The following SORCS2 variants were observed in gnomAD, a reference collection of about 807,000 sequenced individuals.
SORCS2 encodes sortilin related VPS10 domain containing receptor 2.
In SORCS2, 100 loss-of-function variants were observed where a neutral mutation model predicts 141.6. The ratio of observed to expected loss-of-function variants is 0.71; its 90% confidence interval spans 0.60 to 0.83. The LOEUF is 0.83. Among genes scored for constraint, SORCS2 ranks in the 40% least tolerant of loss-of-function variants. The pLI, the probability that SORCS2 is intolerant of heterozygous loss-of-function variation, is 0.00. For missense variants in SORCS2, 1,646 were observed against 1,560.2 expected (o/e 1.05, Z -0.93); for synonymous variants, 789 against 676.9 (o/e 1.17, Z -2.57).
At chr4:7,319,284 C>G (rs1718752676) in intron 1 of SORCS2, among the ~76,000 whole-genome samples, 1 of 152,136 alleles carries the variant, frequency 6.6e-6, no homozygotes, top group African/African-American at 2.4e-5. Context: ...CCTCTTTCAT[C>G]AGGCTCTGAG....
intron 3 of SORCS2, among the ~76,000 whole-genome samples, chr4:7,580,698 A>G (rs1716085020): frequency 6.6e-6 from 1 of 152,154 alleles, no homozygotes; most frequent in Non-Finnish European, 1.5e-5. Flanking sequence ...AGAACAATGG[A>G]GCTGTCCTTG....
chr4:7,683,861 C>G (rs1184066520), intron 10 of SORCS2, among the ~76,000 whole-genome samples: 1 of 152,200 alleles, frequency 6.6e-6, no homozygotes, highest in Non-Finnish European at 1.5e-5. Flanking sequence ...GTAGCTGGGA[C>G]TCTTGCCCGC....
intron 2 of SORCS2, among the ~76,000 whole-genome samples, chr4:7,492,476 G>C (rs1353008212): frequency 1.3e-5 from 2 of 152,238 alleles, no homozygotes; most frequent in Admixed American, 6.5e-5. Context: ...TGCATCATCT[G>C]TTGGTGATCC....
At chr4:7,486,228 C>A (rs1375732933) in intron 2 of SORCS2, among the ~76,000 whole-genome samples, 1 of 149,194 alleles carries the variant, frequency 6.7e-6, no homozygotes, top group Non-Finnish European at 1.5e-5. Flanking sequence ...GGGGGGCCCT[C>A]CAGTGGCCCT....
chr4:7,712,961 C>A, intron 15 of SORCS2, 108 bp downstream of exon 15: 1 of 1,468,506 alleles, frequency 6.8e-7, no homozygotes, highest in Admixed American at 2.0e-5. Context: ...CACCTCCCCG[C>A]CTCCAAGAAG....
chr4:7,527,034 C>T (rs911696889), intron 2 of SORCS2, among the ~76,000 whole-genome samples: 4 of 152,228 alleles, frequency 2.6e-5, no homozygotes, highest in African/African-American at 9.6e-5. Flanking sequence ...ATTTCTAGTG[C>T]TAGGCGGCCC....
intron 4 of SORCS2, among the ~76,000 whole-genome samples, chr4:7,642,819 T>G (rs1013402178): frequency 2.0e-5 from 3 of 152,198 alleles, no homozygotes; most frequent in Non-Finnish European, 4.4e-5. Flanking sequence ...ACGACTCTTA[T>G]GCTGAGAGCA....
rs565021271 is a variant in SORCS2 at position 7,304,471 on chromosome 4, G to A, written c.481-91817G>A. ...AAGAGGCGGATGCGGGTGGGTCGGC[G>A]GCCCTCCTGCCTCCCGTCCATCCAG... On this transcript the variant is annotated intron_variant, in intron 1 of 26. Coordinates refer to ENST00000507866, the MANE Select transcript of SORCS2 (RefSeq NM_020777.3). 2.6e-5 allele frequency among the ~76,000 whole-genome samples: 4 copies of A among 152,260 alleles called. No homozygotes were observed. In the South Asian group the frequency reaches 6.2e-4, roughly 24 times the overall value.
At chr4:7,374,332 G>T (rs1722491023) in intron 1 of SORCS2, among the ~76,000 whole-genome samples, 1 of 152,096 alleles carries the variant, frequency 6.6e-6, no homozygotes, top group South Asian at 2.1e-4. Flanking sequence ...GTGGGGAAAT[G>T]CTCCTCCCCC....
intron 3 of SORCS2, among the ~76,000 whole-genome samples, chr4:7,602,941 G>A (rs1049823473): frequency 5.9e-5 from 9 of 152,350 alleles, no homozygotes; most frequent in East Asian, 5.8e-4. Context: ...CAGATCACTC[G>A]CGGTCAGGAG....
intron 3 of SORCS2, among the ~76,000 whole-genome samples, chr4:7,533,151 A>G (rs1361680003): frequency 6.6e-6 from 1 of 152,154 alleles, no homozygotes; most frequent in Non-Finnish European, 1.5e-5. Context: ...TCAGTCTCAC[A>G]CCTGGTGGTG....
intron 1 of SORCS2, among the ~76,000 whole-genome samples, chr4:7,349,909 G>A (rs1046471062): frequency 6.6e-6 from 1 of 152,152 alleles, no homozygotes; most frequent in African/African-American, 2.4e-5. Flanking sequence ...TTGGTGTTCC[G>A]AGCAGACGCT....
chr4:7,563,444 G>T (rs1714746032), intron 3 of SORCS2, among the ~76,000 whole-genome samples: 1 of 152,156 alleles, frequency 6.6e-6, no homozygotes, highest in South Asian at 2.1e-4. Flanking sequence ...CTGTCTGCCA[G>T]AATTTCCCAC....
chr4:7,471,756 T>G (rs56779202), intron 2 of SORCS2, among the ~76,000 whole-genome samples: 166 of 152,346 alleles, frequency 1.1e-3, no homozygotes, highest in African/African-American at 3.8e-3. Context: ...ATCAGGCCCC[T>G]GTCTCTGGGC....
chr4:7,619,927 G>A (rs1350692029), intron 3 of SORCS2, among the ~76,000 whole-genome samples: 1 of 152,048 alleles, frequency 6.6e-6, no homozygotes, highest in Non-Finnish European at 1.5e-5. Flanking sequence ...GTCAGCCCCT[G>A]CCCCTGCCCC....
intron 3 of SORCS2, among the ~76,000 whole-genome samples, chr4:7,593,146 A>G (rs1009740457): frequency 1.3e-5 from 2 of 152,196 alleles, no homozygotes; most frequent in African/African-American, 4.8e-5. Context: ...CAGCCTGGAC[A>G]ACAGAGCAAG....
intron 1 of SORCS2, among the ~76,000 whole-genome samples, chr4:7,324,061 G>C (rs569405657): frequency 6.6e-6 from 1 of 152,240 alleles, no homozygotes; most frequent in African/African-American, 2.4e-5. Context: ...TTCCCAGCCA[G>C]GGTCTTGCAG....
chr4:7,461,331 A>G (rs184824008), intron 2 of SORCS2, among the ~76,000 whole-genome samples: 85 of 151,750 alleles, frequency 5.6e-4, no homozygotes, highest in Non-Finnish European at 7.2e-4. Flanking sequence ...CTCTGCCTTT[A>G]TCTTCCTCCC....
chr4:7,672,566 T>C lies in SORCS2; in HGVS notation c.1162-3484T>C, dbSNP rs1453413038. 2.0e-5 allele frequency among the ~76,000 whole-genome samples: 3 copies of C among 152,228 alleles called. No individual in the cohort carries two copies. The East Asian group carries it at 5.8e-4, about 29-fold the overall frequency. On this transcript the variant is annotated intron_variant, in intron 8 of 26. Coordinates refer to ENST00000507866, the MANE Select transcript of SORCS2 (RefSeq NM_020777.3). Reference sequence around the variant, plus strand: ...TGGAAGAATACATCTATTTACCTTATAATACAACATAATAAACAATACTAT... The same window carrying C: ...TGGAAGAATACATCTATTTACCTTACAATACAACATAATAAACAATACTAT...
Sources: gnomAD v4.1 joint callset for allele counts (sites outside exome capture counted in the v4.1 genomes callset) on GRCh38, gnomAD v4.1.1 for gene constraint, MANE v1.5 for transcripts, NCBI Gene and HGNC (gene_info 2026-07-23, HGNC 2026-07-21) for gene names.